Variants in SCART1 observed in about 807,000 individuals in gnomAD.
SCART1 encodes the protein scavenger receptor family member expressed on T cells 1.
A neutral mutation model predicts 36.2 loss-of-function variants in SCART1; 62 were observed. The observed-to-expected ratio is 1.71, with a 90% CI of 1.40 to 2.12. The LOEUF is 2.12. Ranked by LOEUF, SCART1 falls within the 30% of genes most tolerant of loss-of-function variation. SCART1 has a pLI of 0.00. For synonymous variants in SCART1, 487 were observed against 238.7 expected (o/e 2.04, Z -9.59); for missense variants, 1,041 against 540.5 (o/e 1.93, Z -9.18).
intron 1 of SCART1, among the ~76,000 whole-genome samples, chr10:133,454,932 T>C (rs760126333): frequency 6.6e-6 from 1 of 152,108 alleles, no homozygotes; most frequent in Non-Finnish European, 1.5e-5. Context: ...GGGCCGGAAT[T>C]CTCTATTACA....
At chr10:133,462,112 C>T (rs1021138321) in intron 6 of SCART1, among the ~76,000 whole-genome samples, 1 of 152,250 alleles carries the variant, frequency 6.6e-6, no homozygotes, top group South Asian at 2.1e-4. Flanking sequence ...GGCTGCATCC[C>T]CCGGGTGGGG....
chr10:133,467,022 A>G, intron 10 of SCART1, 176 bp from the exon 11 acceptor site: 1 of 522,162 alleles, frequency 1.9e-6, no homozygotes, highest in Non-Finnish European at 3.4e-6. Flanking sequence ...GACGGTGGCC[A>G]GGGATGGGAG....
At chr10:133,463,504 C>CA (rs1554896960) in intron 6 of SCART1, among the ~76,000 whole-genome samples, 3 of 125,760 alleles carry the variant, frequency 2.4e-5, no homozygotes, top group Non-Finnish European at 3.2e-5. Context: ...ACGTATTTGA[C>CA]TTTTTTTTTT....
At chr10:133,458,401 G>A (rs561825418) in exon 4 of SCART1, 28 of 702,338 alleles carry the variant, frequency 4.0e-5, no homozygotes, top group Middle Eastern at 2.3e-4. Context: ...GCACCCCTGC[G>A]CCGGGCGCCT....
chr10:133,467,075 A>G (rs1310703599), intron 10 of SCART1, 123 bp from the exon 11 acceptor site: 3 of 572,236 alleles, frequency 5.2e-6, no homozygotes, highest in Non-Finnish European at 9.4e-6. Flanking sequence ...CCTCCATCCC[A>G]GCCCACAGCA....
At chr10:133,465,832 G>T in intron 9 of SCART1, 2 of 695,686 alleles carry the variant, frequency 2.9e-6, no homozygotes, top group Non-Finnish European at 5.3e-6. Context: ...TCACCTGGGT[G>T]TTGGCAGGTT....
chr10:133,459,756 C>T (rs1306484128), exon 6 of SCART1: 3 of 692,116 alleles, frequency 4.3e-6, no homozygotes, highest in South Asian at 3.0e-5. Context: ...GTCCGCGACC[C>T]TGCAGGAGCC....
downstream of SCART1, among the ~76,000 whole-genome samples, chr10:133,469,383 C>T (rs1408114916): frequency 1.3e-5 from 2 of 152,110 alleles, no homozygotes; most frequent in Admixed American, 1.3e-4. Context: ...GAAAATGTGG[C>T]ACATATACAC....
exon 2 of SCART1, chr10:133,456,520 C>T (rs1043495509): frequency 1.5e-6 from 1 of 683,592 alleles, no homozygotes; most frequent in Non-Finnish European, 2.7e-6. Flanking sequence ...AGAGCCCGTG[C>T]CCCCACGCAT....
At chr10:133,456,250 T>C (rs1419752221) in exon 2 of SCART1, 2 of 702,366 alleles carry the variant, frequency 2.8e-6, no homozygotes, top group East Asian at 2.7e-5. Flanking sequence ...GACCAGGTGC[T>C]CTGAGGCTGG....
At position 133,465,329 on chromosome 10, in the gene SCART1, GC is replaced by G. The variant is rs928534228; in HGVS notation, c.2424del (p.Thr809ProfsTer116). ...GAGCTCTGGCACGCGGGCTCCTGGG[GC>G]ACCGTGTGCGACGATGGCTGGGACC... On this transcript the variant is annotated frameshift_variant, in exon 9 of 12. Coordinates refer to ENST00000640237, the Ensembl canonical transcript of SCART1. LOFTEE classifies it high-confidence loss of function. The G allele has an allele frequency of 5.8e-6, 4 of 688,554 alleles. No individual in the cohort carries two copies. The highest frequency in any genetic ancestry group is 1.1e-5 in the Non-Finnish European group (4 of 378,352). 42.7% of individuals were successfully genotyped at this position (688,554 alleles called of 1,614,324 possible).
intron 1 of SCART1, among the ~76,000 whole-genome samples, chr10:133,455,712 C>T (rs1381310856): frequency 7.3e-5 from 11 of 151,456 alleles, no homozygotes; most frequent in Admixed American, 5.9e-4. Context: ...GCCTGGAAGC[C>T]GGTATGGGTG....
intron 1 of SCART1, among the ~76,000 whole-genome samples, chr10:133,455,616 G>A (rs963500367): frequency 2.6e-5 from 4 of 152,060 alleles, no homozygotes; most frequent in African/African-American, 9.7e-5. Flanking sequence ...GAGGCCTGGA[G>A]AGGGTGGTTA....
At chr10:133,456,138 G>A (rs956434838) in intron 1 of SCART1, 99 bp from the exon 2 acceptor site, 1 of 640,190 alleles carries the variant, frequency 1.6e-6, no homozygotes, top group Non-Finnish European at 2.8e-6. Flanking sequence ...CCGACTCGCT[G>A]CTGAGGCCTC....
chr10:133,458,460 G>C (rs942954772), exon 4 of SCART1: 4 of 695,442 alleles, frequency 5.8e-6, no homozygotes, highest in Non-Finnish European at 1.0e-5. Context: ...ACCTGGCCAC[G>C]GCCCACGTGG....
At chr10:133,460,880 G>A (rs537068451) in intron 6 of SCART1, among the ~76,000 whole-genome samples, 4 of 151,350 alleles carry the variant, frequency 2.6e-5, no homozygotes, top group South Asian at 4.2e-4. Flanking sequence ...CTGGGACTAC[G>A]GGCATGTGCC....
exon 4 of SCART1, chr10:133,458,603 G>C: frequency 1.4e-6 from 1 of 696,368 alleles, no homozygotes; most frequent in South Asian, 1.5e-5. Context: ...CACTGCCCAC[G>C]GGGGCGTGGG....
exon 12 of SCART1, chr10:133,468,147 G>A (rs116419726): frequency 0.011 from 5,675 of 494,838 alleles, 201 homozygotes; most frequent in African/African-American, 0.091. Context: ...CATCCCCTTC[G>A]AGGGCCATCT....
intron 6 of SCART1, among the ~76,000 whole-genome samples, chr10:133,460,803 A>G (rs1259577687): frequency 1.3e-5 from 2 of 151,768 alleles, no homozygotes; most frequent in Non-Finnish European, 2.9e-5. Context: ...CAATGGTGCA[A>G]TCTTGACTCA....
Sources: gnomAD v4.1 joint callset for allele counts (sites outside exome capture counted in the v4.1 genomes callset) on GRCh38, gnomAD v4.1.1 for gene constraint, MANE v1.5 for transcripts, NCBI Gene and HGNC (gene_info 2026-07-23, HGNC 2026-07-21) for gene names.